The following KCNAB1 variants were observed in gnomAD, a reference collection of about 807,000 sequenced individuals.
The protein encoded by KCNAB1 is voltage-gated potassium channel subunit beta-1.
Under a neutral mutation model 64.6 loss-of-function variants are expected in KCNAB1, and 35 were observed. The ratio of observed to expected loss-of-function variants is 0.54; its 90% CI spans 0.41 to 0.72. KCNAB1 has a LOEUF of 0.72. KCNAB1 is among the 30% of genes least tolerant of loss of function. The probability of loss-of-function intolerance (pLI) is 0.00; values close to 1 mark genes in which losing one functional copy is unlikely to be tolerated. For missense variants in KCNAB1, 401 were observed against 512.9 expected, an observed-to-expected ratio of 0.78 and a Z score of 2.11; for synonymous variants, 177 against 183.8, an observed-to-expected ratio of 0.96 and a Z score of 0.30.
intron 1 of KCNAB1, among the ~76,000 whole-genome samples, chr3:156,183,795 G>A (rs1713019732): frequency 6.6e-6 from 1 of 152,164 alleles, no homozygotes; most frequent in Non-Finnish European, 1.5e-5. Flanking sequence ...AATTATACAT[G>A]CCATCTGGGC....
intron 1 of KCNAB1, among the ~76,000 whole-genome samples, chr3:156,134,389 T>C (rs1422395292): frequency 6.6e-6 from 1 of 152,228 alleles, no homozygotes; most frequent in East Asian, 1.9e-4. Flanking sequence ...TTGCTATCTT[T>C]ACTTTAGGGA....
chr3:156,207,790 A>T (rs1714758775), intron 1 of KCNAB1, among the ~76,000 whole-genome samples: 1 of 152,308 alleles, frequency 6.6e-6, no homozygotes. Context: ...CATTCACAGG[A>T]TAATTCAGGC....
intron 1 of KCNAB1, among the ~76,000 whole-genome samples, chr3:156,156,481 G>T (rs997231926): frequency 6.6e-6 from 1 of 152,236 alleles, no homozygotes; most frequent in African/African-American, 2.4e-5. Flanking sequence ...GCCCAGGAAG[G>T]AGGTAACAGC....
At chr3:156,337,598 G>C (rs1413740570) in intron 1 of KCNAB1, among the ~76,000 whole-genome samples, 1 of 152,200 alleles carries the variant, frequency 6.6e-6, no homozygotes, top group African/African-American at 2.4e-5. Flanking sequence ...TACATTCACT[G>C]TGTGTGGTTG....
At chr3:156,354,247 C>T (rs1725082133) in intron 1 of KCNAB1, among the ~76,000 whole-genome samples, 1 of 150,098 alleles carries the variant, frequency 6.7e-6, no homozygotes, top group Non-Finnish European at 1.5e-5. Flanking sequence ...ACCGCAAACT[C>T]TGCCTCCTGG....
chr3:156,283,892 T>C (rs950622099), intron 1 of KCNAB1, among the ~76,000 whole-genome samples: 2 of 151,552 alleles, frequency 1.3e-5, no homozygotes, highest in African/African-American at 4.8e-5. Flanking sequence ...AGTTTTCAAC[T>C]TCTTTGCCTT....
intron 1 of KCNAB1, among the ~76,000 whole-genome samples, chr3:156,215,222 A>G (rs1331892974): frequency 6.6e-6 from 1 of 152,210 alleles, no homozygotes; most frequent in African/African-American, 2.4e-5. Flanking sequence ...ATGTATTCAG[A>G]TATTAATGGC....
intron 1 of KCNAB1, among the ~76,000 whole-genome samples, chr3:156,168,166 G>T (rs902110994): frequency 6.6e-6 from 1 of 152,106 alleles, no homozygotes; most frequent in Admixed American, 6.6e-5. Context: ...TCATGCCACT[G>T]CACTCCAGCC....
At chr3:156,496,479 C>T (rs1055825007) in intron 8 of KCNAB1, among the ~76,000 whole-genome samples, 4 of 152,304 alleles carry the variant, frequency 2.6e-5, no homozygotes, top group African/African-American at 9.6e-5. Context: ...TTGCCTTCCA[C>T]CGTAAGAGTG....
chr3:156,391,803 A>C (rs1477794416), intron 1 of KCNAB1, among the ~76,000 whole-genome samples: 1 of 152,214 alleles, frequency 6.6e-6, no homozygotes, highest in African/African-American at 2.4e-5. Flanking sequence ...TGTTTCAAAA[A>C]GTCATGTGAC....
chr3:156,354,146 G>GTA (rs1214791537), intron 1 of KCNAB1, among the ~76,000 whole-genome samples: 70 of 121,162 alleles, frequency 5.8e-4, no homozygotes, highest in East Asian at 2.1e-3. Flanking sequence ...ATATATATGT[G>GTA]TATATATATA....
chr3:156,271,959 A>G (rs1678725631), intron 1 of KCNAB1, among the ~76,000 whole-genome samples: 1 of 152,258 alleles, frequency 6.6e-6, no homozygotes, highest in African/African-American at 2.4e-5. Flanking sequence ...ATAGACTTGT[A>G]GAAGTACTGC....
chr3:156,351,590 C>A (rs115399168), intron 1 of KCNAB1, among the ~76,000 whole-genome samples: 1 of 152,174 alleles, frequency 6.6e-6, no homozygotes, highest in Non-Finnish European at 1.5e-5. Flanking sequence ...TTTCTTCCAG[C>A]CTGTTTGGAG....
At chr3:156,418,364 G>A (rs1715235012) in intron 1 of KCNAB1, among the ~76,000 whole-genome samples, 2 of 152,194 alleles carry the variant, frequency 1.3e-5, no homozygotes, top group African/African-American at 4.8e-5. Context: ...TTATAGCCCA[G>A]CATGATTAGT....
At chr3:156,169,699 A>T (rs1428474537) in intron 1 of KCNAB1, among the ~76,000 whole-genome samples, 1 of 152,076 alleles carries the variant, frequency 6.6e-6, no homozygotes, top group East Asian at 1.9e-4. Context: ...TCCTCATGGG[A>T]TCGGACAGTT....
Position 156,251,216 on chromosome 3 carries a change from G to A in KCNAB1, c.275+130330G>A, listed in dbSNP as rs530422816. On this transcript the variant is annotated intron_variant, in intron 1 of 13. Coordinates refer to ENST00000490337, the MANE Select transcript of KCNAB1 (RefSeq NM_172160.3). ...TTAAGTAGGCTTGTGTGAGATGGAGGCTTTAAGTAATTCCTGTGGTAAAAT... is the reference window on the plus strand; with the variant it reads ...TTAAGTAGGCTTGTGTGAGATGGAGACTTTAAGTAATTCCTGTGGTAAAAT... 5.8e-4 allele frequency among the ~76,000 whole-genome samples: 89 copies of A among 152,330 alleles called. 1 individual carries two copies. The highest frequency in any genetic ancestry group is 2.1e-3 in the African/African-American group (87 of 41,572).
At chr3:156,223,244 C>G (rs900929869) in intron 1 of KCNAB1, among the ~76,000 whole-genome samples, 7 of 152,188 alleles carry the variant, frequency 4.6e-5, no homozygotes, top group South Asian at 2.1e-4. Context: ...AAAGAGAGAG[C>G]AGCAGCAAGA....
At chr3:156,407,974 G>C (rs1391193175) in intron 1 of KCNAB1, among the ~76,000 whole-genome samples, 1 of 152,122 alleles carries the variant, frequency 6.6e-6, no homozygotes, top group Admixed American at 6.5e-5. Context: ...GGAAAGGACT[G>C]AGATGAGTGA....
At chr3:156,446,944 A>G (rs568268978) in intron 2 of KCNAB1, 1 of 152,252 alleles carries the variant, frequency 6.6e-6, no homozygotes, top group South Asian at 2.1e-4. Flanking sequence ...GGTCCTTCCT[A>G]TGATTGACAT....
Sources: gnomAD v4.1 joint callset for allele counts (sites outside exome capture counted in the v4.1 genomes callset) on GRCh38, gnomAD v4.1.1 for gene constraint, MANE v1.5 for transcripts, NCBI Gene and HGNC (gene_info 2026-07-23, HGNC 2026-07-21) for gene names.